The following AOPEP variants were observed in gnomAD, a reference collection of about 807,000 sequenced individuals.
AOPEP encodes aminopeptidase O (putative), also known as aminopeptidase O.
In AOPEP, 77 loss-of-function variants were observed where a neutral mutation model predicts 98.1. The ratio of observed to expected loss-of-function variants is 0.78; its 90% CI spans 0.65 to 0.95. The LOEUF (loss-of-function observed/expected upper bound fraction) is 0.95. AOPEP is among the 40% of genes least tolerant of loss of function. AOPEP has a pLI of 0.00. For missense variants in AOPEP, 1,024 were observed against 1,024.7 expected, an observed-to-expected ratio of 1.00 and a Z score of 0.01; for synonymous variants, 346 against 365.3, an observed-to-expected ratio of 0.95 and a Z score of 0.60.
chr9:94,879,269 A>G (rs2047310193), intron 5 of AOPEP, among the ~76,000 whole-genome samples: 1 of 152,242 alleles, frequency 6.6e-6, no homozygotes, highest in South Asian at 2.1e-4. Flanking sequence ...AAGGGTTGTT[A>G]GCATCTTTGT....
intron 5 of AOPEP, among the ~76,000 whole-genome samples, chr9:94,922,574 G>A (rs2053777137): frequency 6.6e-6 from 1 of 152,028 alleles, no homozygotes; most frequent in Non-Finnish European, 1.5e-5. Flanking sequence ...TCAACGGGGT[G>A]ACTTTCTCAG....
chr9:94,810,851 AG>A (rs1394308655), intron 5 of AOPEP, among the ~76,000 whole-genome samples: 2 of 152,176 alleles, frequency 1.3e-5, no homozygotes, highest in Non-Finnish European at 2.9e-5. Context: ...ACAGATCTCA[AG>A]GGCAGGGGCC....
chr9:94,884,814 A>G (rs1199240301), intron 5 of AOPEP, among the ~76,000 whole-genome samples: 1 of 147,856 alleles, frequency 6.8e-6, no homozygotes, highest in Non-Finnish European at 1.5e-5. Flanking sequence ...GATCGAGACC[A>G]TCCTGGCCAA....
intron 5 of AOPEP, among the ~76,000 whole-genome samples, chr9:94,808,456 GA>G (rs1849751758): frequency 6.6e-6 from 1 of 152,232 alleles, no homozygotes; most frequent in South Asian, 2.1e-4. Flanking sequence ...TACCAAGTGG[GA>G]GTTGAGGTAC....
chr9:94,932,002 C>G, intron 7 of AOPEP: 1 of 1,203,854 alleles, frequency 8.3e-7, no homozygotes, highest in Admixed American at 3.9e-5. Context: ...CTCAGAAAGA[C>G]TGAATAACGT....
At chr9:94,867,558 TAAC>T (rs2045852160) in intron 5 of AOPEP, among the ~76,000 whole-genome samples, 1 of 152,236 alleles carries the variant, frequency 6.6e-6, no homozygotes, top group African/African-American at 2.4e-5. Context: ...AAAACAGTGA[TAAC>T]ATTCACCTCA....
the AOPEP span, among the ~76,000 whole-genome samples, chr9:95,129,947 G>A: frequency 4.6e-5 from 7 of 152,074 alleles, no homozygotes; most frequent in Non-Finnish European, 8.8e-5. Flanking sequence ...ACCCAGAATT[G>A]CATTGTTTAT....
At position 94,735,449 on chromosome 9, in the gene AOPEP, C is replaced by T. The variant is rs528940180; in HGVS notation, c.-136+8698C>T. Among the ~76,000 whole-genome samples, 33 of 151,972 alleles carry T rather than the reference C, an allele frequency of 2.2e-4. No individual in the cohort carries two copies. In the East Asian group the frequency reaches 6.0e-3, roughly 28 times the overall value. On this transcript the variant is annotated intron_variant, in intron 1 of 16. Transcript: ENST00000375315. Reference sequence around the variant, plus strand: ...GTTAGCCAGGATGGTCTCGATCTCCCGACCTCGTGATCCACCTGCCTTGGC... The same window carrying T: ...GTTAGCCAGGATGGTCTCGATCTCCTGACCTCGTGATCCACCTGCCTTGGC...
chr9:94,967,221 A>G (rs1487008461), intron 9 of AOPEP, among the ~76,000 whole-genome samples: 1 of 152,234 alleles, frequency 6.6e-6, no homozygotes, highest in East Asian at 1.9e-4. Flanking sequence ...GAGGACTTGT[A>G]CAAGGGCATG....
chr9:94,810,665 T>C (rs953109138), intron 5 of AOPEP, among the ~76,000 whole-genome samples: 2 of 152,110 alleles, frequency 1.3e-5, no homozygotes, highest in African/African-American at 4.8e-5. Flanking sequence ...TCAGTTTCGT[T>C]CAGCAATTTA....
chr9:95,029,772 A>G (rs1587688167), intron 13 of AOPEP, among the ~76,000 whole-genome samples: 2 of 152,312 alleles, frequency 1.3e-5, no homozygotes, highest in Admixed American at 1.3e-4. Flanking sequence ...TTTCAATTTA[A>G]TTTATAATAA....
At chr9:94,997,587 A>C (rs1246400116) in intron 11 of AOPEP, among the ~76,000 whole-genome samples, 3 of 152,200 alleles carry the variant, frequency 2.0e-5, no homozygotes, top group Admixed American at 2.0e-4. Flanking sequence ...CTAAGTGGTC[A>C]CCTGGGCATT....
At chr9:94,785,175 T>C (rs1003266940) in intron 3 of AOPEP, among the ~76,000 whole-genome samples, 61 of 152,182 alleles carry the variant, frequency 4.0e-4, no homozygotes, top group African/African-American at 1.4e-3. Flanking sequence ...TCTCAGGTGA[T>C]CCACCCGCCT....
chr9:94,934,315 C>CTTTTTTTTTTTTTTT (rs974551445), intron 7 of AOPEP, among the ~76,000 whole-genome samples: 9 of 116,732 alleles, frequency 7.7e-5, no homozygotes, highest in African/African-American at 3.6e-4. Context: ...CTTCTCCCAT[C>CTTTTTTTTTTTTTTT]TTTTTTTTTT....
the AOPEP span, chr9:95,117,243 G>A: frequency 1.5e-6 from 2 of 1,323,606 alleles, no homozygotes; most frequent in Admixed American, 1.7e-5. Flanking sequence ...AGGGCCTGAT[G>A]AGGAGGTCAT....
intron 6 of AOPEP, among the ~76,000 whole-genome samples, chr9:94,925,569 A>AT (rs1302139403): frequency 6.6e-6 from 1 of 151,996 alleles, no homozygotes; most frequent in Non-Finnish European, 1.5e-5. Flanking sequence ...AACTTATTTT[A>AT]TTTTTTCTTT....
At chr9:94,822,238 T>A (rs1853406001) in intron 5 of AOPEP, among the ~76,000 whole-genome samples, 1 of 152,194 alleles carries the variant, frequency 6.6e-6, no homozygotes, top group South Asian at 2.1e-4. Context: ...CCTTTAAGGA[T>A]GTGTTGATCT....
chr9:94,919,735 C>A (rs191086817), intron 5 of AOPEP, among the ~76,000 whole-genome samples: 7 of 152,188 alleles, frequency 4.6e-5, no homozygotes, highest in African/African-American at 1.7e-4. Context: ...TACGGTTTCA[C>A]TTGTCCAGTT....
intron 13 of AOPEP, among the ~76,000 whole-genome samples, chr9:95,044,498 C>T (rs1258645909): frequency 1.3e-5 from 2 of 152,072 alleles, no homozygotes; most frequent in African/African-American, 2.4e-5. Flanking sequence ...GGCAGAATAG[C>T]GTAACAGCCC....
Sources: gnomAD v4.1 joint callset for allele counts (sites outside exome capture counted in the v4.1 genomes callset) on GRCh38, gnomAD v4.1.1 for gene constraint, MANE v1.5 for transcripts, NCBI Gene and HGNC (gene_info 2026-07-23, HGNC 2026-07-21) for gene names.